The following RP1 variants were observed in gnomAD, a reference collection of about 807,000 sequenced individuals.
RP1 encodes the protein oxygen-regulated protein 1.
In RP1, 16 loss-of-function variants were observed where a neutral mutation model predicts 14.8. That is an observed-to-expected ratio of 1.08 (90% CI 0.73 to 1.65). The LOEUF is 1.65. Among genes scored for constraint, RP1 ranks in the 40% most tolerant of loss-of-function variants. The pLI is 0.00. For missense variants in RP1, 2,631 were observed against 2,535.0 expected (o/e 1.04, Z -0.81); for synonymous variants, 876 against 883.6 (o/e 0.99, Z 0.15).
intron 17 of RP1, among the ~76,000 whole-genome samples, chr8:54,729,698 A>G (rs1808744764): frequency 6.6e-6 from 1 of 152,074 alleles, no homozygotes; most frequent in South Asian, 2.1e-4. Context: ...TTCTCAGTTA[A>G]TAGAAGGTAC....
intron 19 of RP1, among the ~76,000 whole-genome samples, chr8:54,753,186 C>T (rs565104048): frequency 3.9e-5 from 6 of 152,164 alleles, no homozygotes; most frequent in Non-Finnish European, 8.8e-5. Context: ...GACCTCTTGC[C>T]TGGAGCAAGT....
At chr8:54,857,296 AATT>A (rs1323956577) in intron 27 of RP1, among the ~76,000 whole-genome samples, 1 of 147,664 alleles carries the variant, frequency 6.8e-6, no homozygotes, top group Non-Finnish European at 1.5e-5. Context: ...AATATATTAT[AATT>A]ATATTTATAT....
intron 1 of RP1, among the ~76,000 whole-genome samples, chr8:54,563,547 T>TTTTG (rs370884704): frequency 6.8e-6 from 1 of 147,536 alleles, no homozygotes; most frequent in Non-Finnish European, 1.5e-5. Context: ...TGTGTGGTTT[T>TTTTG]TTTGTTTGTT....
At chr8:54,561,084 G>T (rs1804276310) in intron 1 of RP1, 1 of 151,738 alleles carries the variant, frequency 6.6e-6, no homozygotes, top group South Asian at 2.1e-4. Context: ...ATACTGGGGG[G>T]GTGGCCACTG....
chr8:54,668,548 A>C (rs1807071000), intron 7 of RP1, among the ~76,000 whole-genome samples: 1 of 152,206 alleles, frequency 6.6e-6, no homozygotes, highest in African/African-American at 2.4e-5. Flanking sequence ...GTGGAACCAA[A>C]AAAGAGCCCA....
At chr8:54,794,579 C>CA (rs1810538708) in intron 24 of RP1, among the ~76,000 whole-genome samples, 1 of 151,812 alleles carries the variant, frequency 6.6e-6, no homozygotes, top group South Asian at 2.1e-4. Context: ...ATACCTTTCA[C>CA]AAAAATTAAT....
At chr8:54,860,732 T>G (rs1403910240) in intron 27 of RP1, among the ~76,000 whole-genome samples, 1 of 152,116 alleles carries the variant, frequency 6.6e-6, no homozygotes, top group Non-Finnish European at 1.5e-5. Flanking sequence ...ATGCATGGGG[T>G]GTCTGTGCTC....
At chr8:54,658,620 T>TTCA (rs1267545764) in intron 6 of RP1, among the ~76,000 whole-genome samples, 2 of 151,848 alleles carry the variant, frequency 1.3e-5, no homozygotes, top group Non-Finnish European at 1.5e-5. Flanking sequence ...TATTTATCCA[T>TTCA]TCATCTGACA....
At chr8:54,718,018 A>C (rs1339220342) in intron 15 of RP1, among the ~76,000 whole-genome samples, 1 of 152,234 alleles carries the variant, frequency 6.6e-6, no homozygotes, top group Non-Finnish European at 1.5e-5. Flanking sequence ...AATCTAACAA[A>C]ATATATTCTG....
intron 20 of RP1, chr8:54,755,469 C>T (rs1809480139): frequency 1.3e-6 from 1 of 752,276 alleles, no homozygotes; most frequent in Non-Finnish European, 2.0e-6. Flanking sequence ...AAAAGTCTCT[C>T]AATAGACACA....
chr8:54,624,936 A>G lies in RP1; in HGVS notation c.1054A>G (p.Thr352Ala), dbSNP rs1805986247. 6.2e-7 allele frequency: 1 copy of G among 1,614,176 alleles called. No individual in the cohort carries two copies. The highest frequency in any genetic ancestry group is 8.5e-7 in the Non-Finnish European group (1 of 1,180,026). The change falls in exon 4 of 4, where the codon ACT (threonine) becomes GCT (alanine). Residue 352 changes from threonine to alanine, a missense_variant. By Grantham distance (58) the Thr-to-Ala change is moderately conservative. Coordinates refer to ENST00000220676, the MANE Select transcript of RP1 (RefSeq NM_006269.2). ...KEEETIKWTT[T>A]VSKTGPSNND... ...GGAAGAAACCATAAAATGGACAACT[A>G]CTGTCAGTAAAACTGGTCCTTCTAA...
chr8:54,861,484 G>C (rs1812341045), intron 27 of RP1, among the ~76,000 whole-genome samples: 1 of 152,160 alleles, frequency 6.6e-6, no homozygotes, highest in African/African-American at 2.4e-5. Flanking sequence ...TTTCACCACT[G>C]TGTAATATTC....
At chr8:54,858,207 G>A (rs987504138) in intron 27 of RP1, among the ~76,000 whole-genome samples, 2 of 152,188 alleles carry the variant, frequency 1.3e-5, no homozygotes, top group Non-Finnish European at 2.9e-5. Flanking sequence ...TGGAGCAGAA[G>A]CAGAAAAGGT....
intron 1 of RP1, among the ~76,000 whole-genome samples, chr8:54,601,773 A>G (rs1805299641): frequency 6.6e-6 from 1 of 152,206 alleles, no homozygotes. Flanking sequence ...GTACTAATAT[A>G]TGCTACTACA....
intron 1 of RP1, among the ~76,000 whole-genome samples, chr8:54,597,910 T>C (rs998756591): frequency 4.6e-5 from 7 of 152,120 alleles, no homozygotes; most frequent in East Asian, 3.9e-4. Context: ...TATAGTTCCA[T>C]GTCATTTTAT....
intron 22 of RP1, among the ~76,000 whole-genome samples, chr8:54,763,008 ACCCTATTT>A (rs1208089484): frequency 1.3e-5 from 2 of 151,624 alleles, no homozygotes; most frequent in African/African-American, 4.9e-5. Context: ...CTAATTACAT[ACCCTATTT>A]CCAAACAAGG....
chr8:54,801,193 T>G (rs1348455944), intron 24 of RP1, among the ~76,000 whole-genome samples: 1 of 152,176 alleles, frequency 6.6e-6, no homozygotes, highest in East Asian at 1.9e-4. Context: ...TTGGCTTGGG[T>G]CTGTCTACCT....
At chr8:54,585,021 G>A (rs11988998) in intron 1 of RP1, among the ~76,000 whole-genome samples, 3,421 of 152,240 alleles carry the variant, frequency 0.022, 131 homozygotes, top group African/African-American at 0.078. Context: ...ATATTGTTAT[G>A]TGTGAATTTG....
At chr8:54,851,319 A>G in intron 25 of RP1, among the ~76,000 whole-genome samples, 1 of 152,172 alleles carries the variant, frequency 6.6e-6, no homozygotes, top group East Asian at 1.9e-4. Flanking sequence ...TTAACTATTC[A>G]TTTAATTGTC....
Sources: gnomAD v4.1 joint callset for allele counts (sites outside exome capture counted in the v4.1 genomes callset) on GRCh38, gnomAD v4.1.1 for gene constraint, MANE v1.5 for transcripts, NCBI Gene and HGNC (gene_info 2026-07-23, HGNC 2026-07-21) for gene names.